ELOVL7: variants seen among roughly 807,000 people sequenced by gnomAD.
The protein encoded by ELOVL7 is very long chain fatty acid elongase 7.
ELOVL7 carries 27 observed loss-of-function variants against 35.7 expected under a neutral mutation model. The ratio of observed to expected loss-of-function variants is 0.76; its 90% confidence interval spans 0.56 to 1.04. The LOEUF (loss-of-function observed/expected upper bound fraction) is 1.04, where lower values mean the gene tolerates loss of function less well. ELOVL7 is among the 50% of genes least tolerant of loss of function. The pLI, the probability that ELOVL7 is intolerant of heterozygous loss-of-function variation, is 0.00. For synonymous variants in ELOVL7, 113 were observed against 114.6 expected (o/e 0.99, Z 0.09); for missense variants, 327 against 340.8 (o/e 0.96, Z 0.32).
At chr5:60,841,554 C>T (rs563148581) in intron 1 of ELOVL7, among the ~76,000 whole-genome samples, 1 of 152,222 alleles carries the variant, frequency 6.6e-6, no homozygotes, top group South Asian at 2.1e-4. Flanking sequence ...GGCAATGCCT[C>T]TTGGGAGCAG....
In ELOVL7 at chr5:60,829,710, T is replaced by C. The variant is rs902145127; in HGVS notation, c.-86+14450A>G. Among the ~76,000 whole-genome samples, 8 of 152,294 alleles carry C rather than the reference T, an allele frequency of 5.3e-5. No homozygotes were observed. In the East Asian group the frequency reaches 1.5e-3, roughly 29 times the overall value. On this transcript the variant is annotated intron_variant, in intron 1 of 8. Coordinates refer to ENST00000508821, the MANE Select transcript of ELOVL7 (RefSeq NM_024930.3). ...GTCTCATTCTGGCAAGGCAGACATA[T>C]TGACTCATACAACTGAGTGCTCATA...
chr5:60,822,846 G>C (rs1745963531), intron 1 of ELOVL7, among the ~76,000 whole-genome samples: 1 of 152,340 alleles, frequency 6.6e-6, no homozygotes. Context: ...TCTGAAGAGG[G>C]AGGCAGGGAT....
chr5:60,767,254 C>G (rs1354825581), intron 5 of ELOVL7, among the ~76,000 whole-genome samples: 1 of 152,008 alleles, frequency 6.6e-6, no homozygotes, highest in Non-Finnish European at 1.5e-5. Flanking sequence ...GCTGCCATGC[C>G]CTGCTAAGTT....
intron 1 of ELOVL7, among the ~76,000 whole-genome samples, chr5:60,801,254 T>C (rs1317846231): frequency 6.6e-6 from 1 of 152,110 alleles, no homozygotes; most frequent in Non-Finnish European, 1.5e-5. Flanking sequence ...CGGATTTTGG[T>C]ACAGGGTCCT....
intron 1 of ELOVL7, among the ~76,000 whole-genome samples, chr5:60,808,400 T>C (rs1001315709): frequency 6.6e-6 from 1 of 152,210 alleles, no homozygotes; most frequent in African/African-American, 2.4e-5. Context: ...CAAATCCTGG[T>C]TAAATTGATG....
intron 3 of ELOVL7, among the ~76,000 whole-genome samples, chr5:60,777,281 AC>A (rs560739172): frequency 0.027 from 4,106 of 151,620 alleles, 148 homozygotes; most frequent in African/African-American, 0.075. Context: ...GGGGATGGAT[AC>A]CCCCATTTTA....
chr5:60,832,240 CA>C (rs2112388189), intron 1 of ELOVL7, among the ~76,000 whole-genome samples: 1 of 152,342 alleles, frequency 6.6e-6, no homozygotes, highest in South Asian at 2.1e-4. Flanking sequence ...GCACACACAA[CA>C]GGCAGTGTTG....
intron 2 of ELOVL7, among the ~76,000 whole-genome samples, chr5:60,790,363 C>T (rs892495065): frequency 6.6e-6 from 1 of 151,996 alleles, no homozygotes; most frequent in African/African-American, 2.4e-5. Context: ...AGATATTTTA[C>T]CTATCTAAAA....
rs968842345 is a variant in ELOVL7, at chr5:60,797,788, G to A, written c.-35+1392C>T. ...AGCACCCCCAATAGGCATGGAAATG[G>A]GAAAGGAAAATATCTTGGGCCCCCA... On this transcript the variant is annotated intron_variant, in intron 2 of 8. Coordinates refer to ENST00000508821, the MANE Select transcript of ELOVL7 (RefSeq NM_024930.3). Among the ~76,000 whole-genome samples the A allele has an allele frequency of 3.3e-5, 5 of 152,178 alleles. No homozygotes were observed. The East Asian group carries it at 9.6e-4, about 29-fold the overall frequency.
chr5:60,781,024 A>G (rs955399087), intron 3 of ELOVL7, among the ~76,000 whole-genome samples: 2 of 152,184 alleles, frequency 1.3e-5, no homozygotes, highest in African/African-American at 4.8e-5. Context: ...AGCCTGGCCA[A>G]CATGGTGAAA....
chr5:60,828,143 C>G (rs980480898), intron 1 of ELOVL7, among the ~76,000 whole-genome samples: 1 of 152,166 alleles, frequency 6.6e-6, no homozygotes, highest in Non-Finnish European at 1.5e-5. Flanking sequence ...TGGAACCAAG[C>G]TGGAATTCCT....
chr5:60,821,948 C>A (rs979177151), intron 1 of ELOVL7, among the ~76,000 whole-genome samples: 4 of 152,170 alleles, frequency 2.6e-5, no homozygotes, highest in Non-Finnish European at 4.4e-5. Context: ...AAGAAAAAAA[C>A]AAATTAAAAA....
At chr5:60,829,691 T>C (rs1305399594) in intron 1 of ELOVL7, among the ~76,000 whole-genome samples, 1 of 152,174 alleles carries the variant, frequency 6.6e-6, no homozygotes, top group East Asian at 1.9e-4. Flanking sequence ...TTTGGTCTCA[T>C]TCTGGCAAGG....
chr5:60,824,690 G>A (rs1474161648), intron 1 of ELOVL7, among the ~76,000 whole-genome samples: 1 of 152,128 alleles, frequency 6.6e-6, no homozygotes, highest in Admixed American at 6.6e-5. Flanking sequence ...TTTAACGGTG[G>A]CCCAAGCCAC....
rs898761154 is a variant in ELOVL7 at position 60,754,556 on chromosome 5, T to G, written c.*68A>C. ...TGAAAAATATACAAAATGCACTGCA[T>G]AGGTAAATATCTCTTGATTGTCAAG... is the stretch of plus-strand genomic sequence containing the variant. On this transcript the variant is annotated 3_prime_UTR_variant, in exon 9 of 9. Coordinates refer to ENST00000508821, the MANE Select transcript of ELOVL7 (RefSeq NM_024930.3). The G allele has an allele frequency of 7.2e-7, 1 of 1,388,666 alleles. No individual in the cohort carries two copies. Among genetic ancestry groups the G allele is most frequent in the Non-Finnish European group, 1.0e-6 (1 of 982,080 alleles). The allele number at this position is 1,388,666 out of a possible 1,614,324, so 86.0% of individuals were successfully genotyped here.
At chr5:60,760,281 C>T (rs577250584) in intron 7 of ELOVL7, among the ~76,000 whole-genome samples, 13 of 152,270 alleles carry the variant, frequency 8.5e-5, no homozygotes, top group Admixed American at 3.3e-4. Flanking sequence ...CCTATTTCTT[C>T]GCATCCTCTC....
intron 3 of ELOVL7, among the ~76,000 whole-genome samples, chr5:60,782,981 T>C (rs557227184): frequency 2.6e-5 from 4 of 152,226 alleles, no homozygotes; most frequent in Non-Finnish European, 5.9e-5. Flanking sequence ...GGATATGCTA[T>C]TTGGATTGAT....
At chr5:60,774,457 G>A (rs1742786519) in intron 3 of ELOVL7, among the ~76,000 whole-genome samples, 1 of 152,068 alleles carries the variant, frequency 6.6e-6, no homozygotes, top group Non-Finnish European at 1.5e-5. Flanking sequence ...ATCTATTCAT[G>A]ATAAAAACCC....
At chr5:60,757,782 C>T in intron 7 of ELOVL7, 137 bp from the exon 8 acceptor site, 1 of 676,880 alleles carries the variant, frequency 1.5e-6, no homozygotes, top group Non-Finnish European at 2.3e-6. Context: ...TGTTAAACAA[C>T]TATCAAATTA....
Sources: gnomAD v4.1 joint callset for allele counts (sites outside exome capture counted in the v4.1 genomes callset) on GRCh38, gnomAD v4.1.1 for gene constraint, MANE v1.5 for transcripts, NCBI Gene and HGNC (gene_info 2026-07-23, HGNC 2026-07-21) for gene names.